Variants in EVA1A observed in about 807,000 individuals in gnomAD.
EVA1A encodes protein eva-1 homolog A.
Under a neutral mutation model 9.8 loss-of-function variants are expected in EVA1A, and 7 were observed. The observed-to-expected ratio is 0.71, with a 90% confidence interval of 0.41 to 1.34. The LOEUF (loss-of-function observed/expected upper bound fraction) is 1.34. EVA1A is among the 40% of genes most tolerant of loss of function. EVA1A has a pLI of 0.01. For synonymous variants in EVA1A, 90 were observed against 85.6 expected, an observed-to-expected ratio of 1.05 and a Z score of -0.28; for missense variants, 206 against 205.9, an observed-to-expected ratio of 1.00 and a Z score of 0.00.
exon 1 of EVA1A, chr2:75,569,714 G>A (rs1363709329): frequency 2.0e-5 from 3 of 152,222 alleles, no homozygotes; most frequent in African/African-American, 4.8e-5. Context: ...TTCACAAACA[G>A]GTTATGCTAT....
chr2:75,541,356 G>A, intron 1 of EVA1A, among the ~76,000 whole-genome samples: 1 of 152,270 alleles, frequency 6.6e-6, no homozygotes, highest in South Asian at 2.1e-4. Flanking sequence ...GGGACTATAC[G>A]AGTCGGAACC....
At chr2:75,556,383 C>A (rs542301559) in intron 1 of EVA1A, among the ~76,000 whole-genome samples, 12 of 152,308 alleles carry the variant, frequency 7.9e-5, no homozygotes, top group African/African-American at 2.9e-4. Flanking sequence ...TGGCAGCCAA[C>A]GAAGTGTGAC....
At position 75,522,473 on chromosome 2, in the gene EVA1A, T is replaced by A. The variant is rs1163744308; in HGVS notation, c.-177A>T. On this transcript the variant is annotated 5_prime_UTR_variant, in exon 2 of 4. Coordinates refer to ENST00000393913, the MANE Select transcript of EVA1A (RefSeq NM_001135032.2). ...GGTTCTAAAACTTGTTTGGCCCCAG[T>A]TGGCTTCTCAGACTCTGAAAGAAAA... The A allele has an allele frequency of 6.6e-6, 1 of 152,272 alleles. No homozygotes were observed. The highest frequency in any genetic ancestry group is 1.5e-5 in the Non-Finnish European group (1 of 68,124). The allele number at this position is 152,272 out of a possible 1,614,324, so 9.4% of individuals were successfully genotyped here.
chr2:75,557,668 T>A lies in EVA1A; in HGVS notation c.-192+3012A>T, dbSNP rs73938971. The stretch of plus-strand genomic sequence containing the variant: ...CTCTCTCCTCCAGGCAGGTGTGTGT[T>A]GACTCCATCCCCCCATCCCAAAAAA... On this transcript the variant is annotated intron_variant, in intron 1 of 3. Coordinates refer to ENST00000393913, the MANE Select transcript of EVA1A (RefSeq NM_001135032.2). Among the ~76,000 whole-genome samples the A allele has an allele frequency of 4.4e-3, 667 of 152,294 alleles. 5 individuals are homozygous for A. The highest frequency in any genetic ancestry group is 0.015 in the African/African-American group (641 of 41,550).
chr2:75,534,892 A>C (rs1333923189), intron 1 of EVA1A, among the ~76,000 whole-genome samples: 1 of 151,934 alleles, frequency 6.6e-6, no homozygotes, highest in African/African-American at 2.4e-5. Context: ...TATTATATTT[A>C]AGTCTTTAAT....
chr2:75,517,859 C>T (rs756897136), intron 3 of EVA1A, 197 bp downstream of exon 3: 1 of 750,690 alleles, frequency 1.3e-6, no homozygotes, highest in South Asian at 1.5e-5. Context: ...TAGAACCCTT[C>T]ATTTTTCAAA....
intron 3 of EVA1A, among the ~76,000 whole-genome samples, chr2:75,504,023 A>C (rs1325901236): frequency 2.6e-5 from 4 of 152,116 alleles, no homozygotes; most frequent in African/African-American, 9.7e-5. Flanking sequence ...AAAATAATAA[A>C]ATTTTAAAAA....
At chr2:75,559,878 T>G (rs1676861834) in intron 1 of EVA1A, among the ~76,000 whole-genome samples, 1 of 151,844 alleles carries the variant, frequency 6.6e-6, no homozygotes, top group African/African-American at 2.4e-5. Context: ...AAAATAGGGG[T>G]AAGAGTCCCT....
chr2:75,558,040 G>A (rs1676783841), intron 1 of EVA1A, among the ~76,000 whole-genome samples: 1 of 152,156 alleles, frequency 6.6e-6, no homozygotes, highest in African/African-American at 2.4e-5. Context: ...TGGCCCTACC[G>A]CTCATTAGCT....
At chr2:75,557,985 G>A (rs1359023432) in intron 1 of EVA1A, among the ~76,000 whole-genome samples, 4 of 152,242 alleles carry the variant, frequency 2.6e-5, no homozygotes, top group African/African-American at 9.6e-5. Context: ...TACCCGCATA[G>A]TGTAAAGAGT....
chr2:75,541,523 T>A (rs913164489), intron 1 of EVA1A, among the ~76,000 whole-genome samples: 1 of 152,000 alleles, frequency 6.6e-6, no homozygotes, highest in Non-Finnish European at 1.5e-5. Context: ...ACCTGCTGAG[T>A]TATTTACTGC....
chr2:75,508,842 C>T (rs7607597), intron 3 of EVA1A, among the ~76,000 whole-genome samples: 28,292 of 151,850 alleles, frequency 0.19, 3,009 homozygotes, highest in African/African-American at 0.28. Context: ...CTCAAGCTGG[C>T]GGACGCTTAG....
chr2:75,565,435 T>C (rs955552954), upstream of EVA1A, among the ~76,000 whole-genome samples: 5 of 152,038 alleles, frequency 3.3e-5, no homozygotes, highest in Non-Finnish European at 7.4e-5. Flanking sequence ...TCAAAACTGC[T>C]CTCCTGTGTG....
upstream of EVA1A, among the ~76,000 whole-genome samples, chr2:75,562,644 G>C (rs1317091350): frequency 1.3e-5 from 2 of 152,158 alleles, no homozygotes; most frequent in African/African-American, 4.8e-5. Context: ...TCTGTAAAAA[G>C]AATACATACT....
chr2:75,553,273 A>C (rs999984036), intron 1 of EVA1A, among the ~76,000 whole-genome samples: 1 of 152,228 alleles, frequency 6.6e-6, no homozygotes, highest in African/African-American at 2.4e-5. Context: ...GTGGGTGCAC[A>C]TAGCACCCTG....
Position 75,533,804 on chromosome 2 carries a change from A to ATTAT in EVA1A, c.-191-11321_-191-11318dup, listed in dbSNP as rs566181455. ...AATAATTATTATTTTATTTTATTTT[A>ATTAT]TTATTTATTTATTTATTTATTTTTG... is the stretch of plus-strand genomic sequence containing the variant. On this transcript the variant is annotated intron_variant, in intron 1 of 3. Coordinates refer to ENST00000393913, the MANE Select transcript of EVA1A (RefSeq NM_001135032.2). Among the ~76,000 whole-genome samples the ATTAT allele has an allele frequency of 6.6e-3, 988 of 150,660 alleles. 7 individuals are homozygous for ATTAT. Among genetic ancestry groups the ATTAT allele is most frequent in the Middle Eastern group, 0.014 (4 of 294 alleles).
chr2:75,530,388 T>C (rs1289034417), intron 1 of EVA1A, among the ~76,000 whole-genome samples: 2 of 152,114 alleles, frequency 1.3e-5, no homozygotes, highest in Non-Finnish European at 2.9e-5. Context: ...GAGAATCCTT[T>C]TGAAATCATT....
At chr2:75,520,344 T>C (rs1481988224) in intron 2 of EVA1A, among the ~76,000 whole-genome samples, 1 of 152,154 alleles carries the variant, frequency 6.6e-6, no homozygotes, top group East Asian at 1.9e-4. Context: ...AAAAAATCCA[T>C]ACTGAAATTC....
At chr2:75,500,359 G>A (rs1353847957) in intron 3 of EVA1A, among the ~76,000 whole-genome samples, 1 of 152,178 alleles carries the variant, frequency 6.6e-6, no homozygotes, top group Non-Finnish European at 1.5e-5. Context: ...AGACTGGAGT[G>A]ACTTAATTAT....
Sources: allele counts gnomAD v4.1 joint callset (sites outside exome capture counted in the v4.1 genomes callset), GRCh38; gene constraint gnomAD v4.1.1; transcripts MANE v1.5; gene names NCBI Gene and HGNC (gene_info 2026-07-23, HGNC 2026-07-21).